Variants in ZDHHC15 observed in about 807,000 individuals in gnomAD.
The protein encoded by ZDHHC15 is zDHHC palmitoyltransferase 15.
ZDHHC15 carries 19 observed loss-of-function variants against 31.7 expected under a neutral mutation model. That is an observed-to-expected ratio of 0.60 (90% CI 0.42 to 0.88). The LOEUF is 0.88. Ranked by LOEUF, ZDHHC15 falls within the 40% of genes least tolerant of loss-of-function variation. The probability of loss-of-function intolerance (pLI) is 0.00; values close to 1 mark genes in which losing one functional copy is unlikely to be tolerated. For missense variants in ZDHHC15, 209 were observed against 251.2 expected (o/e 0.83, Z 1.14); for synonymous variants, 103 against 90.0 (o/e 1.14, Z -0.82).
At chrX:75,424,592 T>C in intron 8 of ZDHHC15, 60 bp downstream of exon 8, 1 of 1,093,028 alleles carries the variant, frequency 9.1e-7, no homozygotes, top group Admixed American at 3.1e-5. Flanking sequence ...TGGGAACAAT[T>C]CACAGGTCCC....
chrX:75,499,319 T>G (rs1425875087), intron 2 of ZDHHC15, among the ~76,000 whole-genome samples: 1 of 111,646 alleles, frequency 9.0e-6, no homozygotes, highest in Non-Finnish European at 1.9e-5. Context: ...GCAAAATAAA[T>G]ATTCAGCAAA....
At chrX:75,520,248 C>G (rs1444223958) in intron 1 of ZDHHC15, among the ~76,000 whole-genome samples, 1 of 111,709 alleles carries the variant, frequency 9.0e-6, no homozygotes, top group Non-Finnish European at 1.9e-5. Context: ...ACAAATAAGT[C>G]CTACGCTTCC....
chrX:75,435,838 A>C (rs2083843977), intron 4 of ZDHHC15, among the ~76,000 whole-genome samples: 1 of 111,894 alleles, frequency 8.9e-6, no homozygotes, highest in Non-Finnish European at 1.9e-5. Context: ...TTTTGGTACT[A>C]GGGTAATATT....
chrX:75,506,420 C>CT (rs1312640481), intron 1 of ZDHHC15, among the ~76,000 whole-genome samples: 3 of 111,763 alleles, frequency 2.7e-5, no homozygotes, highest in Non-Finnish European at 5.7e-5. Flanking sequence ...GTCATACTTT[C>CT]TTTTTTTCTT....
At chrX:75,493,692 T>C (rs1324064342) in intron 2 of ZDHHC15, among the ~76,000 whole-genome samples, 1 of 112,150 alleles carries the variant, frequency 8.9e-6, no homozygotes. Context: ...CATATGATTA[T>C]CTCAATAGTT....
At chrX:75,514,165 C>A (rs1368330542) in intron 1 of ZDHHC15, among the ~76,000 whole-genome samples, 1 of 112,370 alleles carries the variant, frequency 8.9e-6, no homozygotes, top group Non-Finnish European at 1.9e-5. Context: ...GTAACCCACG[C>A]TATACAAAAA....
chrX:75,443,702 C>T (rs1021026194), intron 4 of ZDHHC15, among the ~76,000 whole-genome samples: 24 of 111,910 alleles, frequency 2.1e-4, no homozygotes, highest in African/African-American at 4.9e-4. Flanking sequence ...GGGAGAAAAT[C>T]TTTGCAATCT....
intron 4 of ZDHHC15, among the ~76,000 whole-genome samples, chrX:75,444,679 T>C (rs866341508): frequency 0.077 from 3,456 of 44,798 alleles, 186 homozygotes; most frequent in South Asian, 0.11. Context: ...TATATATATA[T>C]ATATATATAC....
intron 10 of ZDHHC15, among the ~76,000 whole-genome samples, chrX:75,387,744 C>T (rs1477168173): frequency 9.0e-6 from 1 of 111,644 alleles, no homozygotes; most frequent in Non-Finnish European, 1.9e-5. Flanking sequence ...AAGCATAATT[C>T]AATAAATAAT....
At chrX:75,517,490 G>A (rs776183058) in intron 1 of ZDHHC15, among the ~76,000 whole-genome samples, 1,454 of 102,733 alleles carry the variant, frequency 0.014, 45 homozygotes, top group African/African-American at 0.05. Flanking sequence ...CGCAAGGACA[G>A]AAAACCAAAC....
In ZDHHC15 at chrX:75,456,638, C is replaced by T. The variant is rs183421025; in HGVS notation, c.259-5716G>A. Among the ~76,000 whole-genome samples, 382 of 110,838 alleles carry T rather than the reference C, an allele frequency of 3.4e-3. 1 individual carries two copies. Among genetic ancestry groups the T allele is most frequent in the African/African-American group, 0.012 (359 of 30,531 alleles). ...AGTCCAACCACTGTGGAAGACAGTG[C>T]GGGGATTCCTCAAGGATCTAGAATC... On this transcript the variant is annotated intron_variant, in intron 3 of 11. Coordinates refer to ENST00000373367, the MANE Select transcript of ZDHHC15 (RefSeq NM_144969.3).
At chrX:75,451,746 A>G (rs963043418) in intron 3 of ZDHHC15, among the ~76,000 whole-genome samples, 1 of 111,843 alleles carries the variant, frequency 8.9e-6, no homozygotes, top group Non-Finnish European at 1.9e-5. Flanking sequence ...ATATTGGTGC[A>G]GAAGTGCCAG....
Position 75,417,091 on chromosome X carries a change from G to A in ZDHHC15, c.963C>T (p.Asn321=). 1 of 1,203,895 alleles carries A rather than the reference G, an allele frequency of 8.3e-7. No homozygotes were observed. Among genetic ancestry groups the A allele is most frequent in the Non-Finnish European group, 1.1e-6 (1 of 889,430 alleles). ...EETWEDNEDD[N]QDYPEGSSSL... is the part of the protein sequence containing the mutation. ...ATAGTCTTTGACCCCACTTACCTTG[G>A]TTGTCATCCTCGTTGTCTTCCCAGG... Residue 321 remains asparagine, a synonymous_variant, in exon 10 of 12, where the codon AAC becomes AAT. Coordinates refer to ENST00000373367, the MANE Select transcript of ZDHHC15 (RefSeq NM_144969.3).
rs185272560 is a variant in ZDHHC15 at position 75,408,230 on chromosome X, T to A, written c.967+8857A>T. The stretch of plus-strand genomic sequence containing the variant: ...ATAAATACTAAAAAAAAATAAAAAA[T>A]AAATAAATAAAACATTAGTCACCAC... On this transcript the variant is annotated intron_variant, in intron 10 of 11. Transcript: ENST00000373367. Among the ~76,000 whole-genome samples, 317 of 102,698 alleles carry A rather than the reference T, an allele frequency of 3.1e-3. 1 individual carries two copies. Among genetic ancestry groups the A allele is most frequent in the African/African-American group, 0.01 (287 of 28,263 alleles). 89.2% of individuals were successfully genotyped at this position (102,698 alleles called of 115,157 possible). A position where few individuals can be genotyped will look rare whatever the true frequency, so the allele number is the denominator to read the frequency against.
intron 4 of ZDHHC15, among the ~76,000 whole-genome samples, chrX:75,431,739 C>T (rs963848081): frequency 4.5e-5 from 5 of 110,826 alleles, no homozygotes; most frequent in South Asian, 3.8e-4. Flanking sequence ...CTGAAAGGAA[C>T]GAGAAAAGTT....
chrX:75,437,036 C>A, intron 4 of ZDHHC15, among the ~76,000 whole-genome samples: 1 of 110,600 alleles, frequency 9.0e-6, no homozygotes, highest in Non-Finnish European at 1.9e-5. Flanking sequence ...CACCCACCAC[C>A]ATGCCCGGCT....
intron 2 of ZDHHC15, among the ~76,000 whole-genome samples, chrX:75,491,798 A>G (rs1388048478): frequency 9.0e-6 from 1 of 111,301 alleles, no homozygotes; most frequent in East Asian, 2.8e-4. Flanking sequence ...GAAGCGCTAA[A>G]CATGGAAAGG....
intron 2 of ZDHHC15, among the ~76,000 whole-genome samples, chrX:75,491,144 A>G (rs1439248442): frequency 1.8e-5 from 2 of 111,488 alleles, no homozygotes; most frequent in African/African-American, 6.5e-5. Flanking sequence ...CCAAAGGATT[A>G]TAAATCATGT....
intron 3 of ZDHHC15, among the ~76,000 whole-genome samples, chrX:75,451,960 G>A (rs1053804520): frequency 9.0e-6 from 1 of 111,464 alleles, no homozygotes; most frequent in Non-Finnish European, 1.9e-5. Flanking sequence ...ATGCTAGGAA[G>A]AAACTGCATC....
Sources: gnomAD v4.1 joint callset for allele counts (sites outside exome capture counted in the v4.1 genomes callset) on GRCh38, gnomAD v4.1.1 for gene constraint, MANE v1.5 for transcripts, NCBI Gene and HGNC (gene_info 2026-07-23, HGNC 2026-07-21) for gene names.